Variants in TBC1D9B observed in about 807,000 individuals in gnomAD.
The protein encoded by TBC1D9B is TBC1 domain family, member 9B (with GRAM domain).
In TBC1D9B, 87 loss-of-function variants were observed where a neutral mutation model predicts 121.1. The ratio of observed to expected loss-of-function variants is 0.72; its 90% CI spans 0.60 to 0.86. The LOEUF (loss-of-function observed/expected upper bound fraction) is 0.86. Ranked by LOEUF, TBC1D9B falls within the 40% of genes least tolerant of loss-of-function variation. TBC1D9B has a pLI of 0.00. For missense variants in TBC1D9B, 1,540 were observed against 1,628.6 expected (o/e 0.95, Z 0.94); for synonymous variants, 668 against 670.1 (o/e 1.00, Z 0.05).
chr5:179,863,235 C>T lies in TBC1D9B; in HGVS notation c.*213G>A, dbSNP rs1759898652. ...GTGGGAGCCACAGCCTCTTCCTGGG[C>T]CCAGAAGCAGCCGGCGCCAGGAGAT... On this transcript the variant is annotated 3_prime_UTR_variant, in exon 21 of 21. Coordinates refer to ENST00000355235, the MANE Select transcript of TBC1D9B (RefSeq NM_015043.4). This position sits in a 1 kb window ranked among gnomAD's most constrained non-coding sequence, Gnocchi z 4.5. 1 of 592,208 alleles carries T rather than the reference C, an allele frequency of 1.7e-6. No homozygotes were observed. The highest frequency in any genetic ancestry group is 2.9e-6 in the Non-Finnish European group (1 of 343,916). The allele number at this position is 592,208 out of a possible 1,614,324, so 36.7% of individuals were successfully genotyped here.
rs1413738668 is a variant in TBC1D9B at position 179,885,991 on chromosome 5, C to A, written c.1254+2112G>T. On this transcript the variant is annotated intron_variant, in intron 7 of 20. Coordinates refer to ENST00000355235, the MANE Select transcript of TBC1D9B (RefSeq NM_015043.4). This position sits in a 1 kb window ranked among gnomAD's most constrained non-coding sequence, Gnocchi z 4.5. ...CCAGAAGCCCGTGCCACATCCAATC[C>A]TGTCTCCCAGCTTGCTGTGCTCTCT... Among the ~76,000 whole-genome samples, 1 of 152,228 alleles carries A rather than the reference C, an allele frequency of 6.6e-6. No individual in the cohort carries two copies. Among genetic ancestry groups the A allele is most frequent in the Non-Finnish European group, 1.5e-5 (1 of 68,048 alleles).
intron 4 of TBC1D9B, 68 bp downstream of exon 4, chr5:179,894,318 A>G: frequency 7.1e-7 from 1 of 1,415,172 alleles, no homozygotes; most frequent in African/African-American, 1.4e-5. Context: ...GGGATGGAGT[A>G]TCTGGGGGCC....
chr5:179,876,140 A>G (rs1166153651), intron 10 of TBC1D9B, 103 bp from the exon 11 acceptor site: 3 of 781,662 alleles, frequency 3.8e-6, no homozygotes, highest in East Asian at 3.1e-5. Context: ...AAGGGCCCAC[A>G]TGATCTTCTT....
At chr5:179,882,498 G>A (rs562296211) in intron 7 of TBC1D9B, among the ~76,000 whole-genome samples, 178 of 152,122 alleles carry the variant, frequency 1.2e-3, no homozygotes, top group Non-Finnish European at 2.2e-3. Context: ...ACAGCCTATG[G>A]TCTTTATACC....
Position 179,870,314 on chromosome 5 carries a change from CT to C in TBC1D9B, c.2665del (p.Arg889GlyfsTer10), listed in dbSNP as rs1760151012. On this transcript the variant is annotated frameshift_variant, in exon 16 of 21. Transcript: ENST00000355235. LOFTEE classifies it high-confidence loss of function. ...HTPLLAGRMF[R>X]LLDENKDSLI... is the part of the protein sequence containing the mutation. ...CGAGTCCTTGTTTTCGTCCAGGAGC[CT>C]GAACATGCGCCCTGCCAGCAGAGGT... The C allele has an allele frequency of 6.2e-7, 1 of 1,613,802 alleles. No individual in the cohort carries two copies. The highest frequency in any genetic ancestry group is 1.7e-5 in the Admixed American group (1 of 60,008).
intron 7 of TBC1D9B, chr5:179,880,149 C>T (rs1760498998): frequency 7.1e-6 from 2 of 283,626 alleles, no homozygotes; most frequent in African/African-American, 4.4e-5. Flanking sequence ...ACCCTCGGGC[C>T]CATGCTTCCT....
intron 7 of TBC1D9B, among the ~76,000 whole-genome samples, chr5:179,880,548 C>G (rs1402017461): frequency 6.6e-6 from 1 of 152,208 alleles, no homozygotes; most frequent in Non-Finnish European, 1.5e-5. Context: ...GGGGCAGCTG[C>G]CAGGGTGCTG....
chr5:179,865,662 G>T lies in TBC1D9B; in HGVS notation c.2914+176C>A. ...GAGAGGGCTGGCTGGGTGCCCGTGGGGCTGGTGGAGAGCGTGGAGCCTCCT... is the reference window on the plus strand; with the variant it reads ...GAGAGGGCTGGCTGGGTGCCCGTGGTGCTGGTGGAGAGCGTGGAGCCTCCT... On this transcript the variant is annotated intron_variant, in intron 19 of 20. Coordinates refer to ENST00000355235, the MANE Select transcript of TBC1D9B (RefSeq NM_015043.4). The surrounding 1 kb of genome is among the most constrained non-coding windows in gnomAD (Gnocchi z 5.1). 1 of 723,960 alleles carries T rather than the reference G, an allele frequency of 1.4e-6. No homozygotes were observed. Among genetic ancestry groups the T allele is most frequent in the Non-Finnish European group, 2.3e-6 (1 of 439,518 alleles). The allele number at this position is 723,960 out of a possible 1,614,324, so 44.8% of individuals were successfully genotyped here.
At chr5:179,867,997 T>A (rs535624359) in intron 17 of TBC1D9B, 148 bp from the exon 18 acceptor site, 1 of 572,964 alleles carries the variant, frequency 1.7e-6, no homozygotes, top group Non-Finnish European at 2.8e-6. Context: ...TGCCCGGTAA[T>A]AGTTTTGATG....
rs1381122492 is a variant in TBC1D9B, at chr5:179,887,735, G to T, written c.1254+368C>A. ...AGTGATACTGCAGTTCTACCGTCAA[G>T]AACTTCAGCCTGAACGCCTGGCAGG... On this transcript the variant is annotated intron_variant, in intron 7 of 20. Transcript: ENST00000355235. 3.1e-5 allele frequency: 9 copies of T among 293,014 alleles called. No individual in the cohort carries two copies. In the South Asian group the frequency reaches 3.2e-4, roughly 10 times the overall value. 18.2% of individuals were successfully genotyped at this position (293,014 alleles called of 1,614,324 possible). A position where few individuals can be genotyped will look rare whatever the true frequency, so the allele number is the denominator to read the frequency against.
intron 7 of TBC1D9B, among the ~76,000 whole-genome samples, chr5:179,880,435 G>C (rs1009125913): frequency 1.3e-5 from 2 of 152,132 alleles, no homozygotes; most frequent in Non-Finnish European, 1.5e-5. Flanking sequence ...TGGGCAGGTG[G>C]TCGATTCCCC....
Position 179,878,507 on chromosome 5 carries a change from C to G in TBC1D9B, c.1584G>C (p.Met528Ile), listed in dbSNP as rs1222418949. The G allele has an allele frequency of 6.2e-7, 1 of 1,605,100 alleles. No homozygotes were observed. The highest frequency in any genetic ancestry group is 8.5e-7 in the Non-Finnish European group (1 of 1,175,500). ...CAGCATAGTACCCGGGGTGAGTCAC[C>G]ATCTCATTCCAGGCCCCTGGGGAGA... ...WLLFSGAWNE[M>I]VTHPGYYAEL... Residue 528 changes from methionine to isoleucine, a missense_variant, in exon 10 of 21, where the codon ATG (methionine) becomes ATC (isoleucine). Transcript: ENST00000355235.
intron 7 of TBC1D9B, among the ~76,000 whole-genome samples, chr5:179,887,021 A>G (rs555180687): frequency 6.6e-6 from 1 of 152,318 alleles, no homozygotes; most frequent in East Asian, 1.9e-4. Flanking sequence ...GTAAACCAAA[A>G]AACTCACTGG....
At position 179,891,543 on chromosome 5, in the gene TBC1D9B, A is replaced by C; in HGVS notation, c.880T>G (p.Phe294Val). The part of the protein sequence containing the change: ...RAKNECYRAT[F>V]RLPRDERLDG... ...AGCCGCTCATCCCTGGGCAGCCGGA[A>C]CGTGGCTCGGTAGCACTCATTCTTG... Residue 294 changes from phenylalanine (F) to valine (V), a missense_variant, in exon 6 of 21, where the codon TTC becomes GTC. Coordinates refer to ENST00000355235, the MANE Select transcript of TBC1D9B (RefSeq NM_015043.4). The surrounding 1 kb of genome is among the most constrained non-coding windows in gnomAD (Gnocchi z 4.3). The C allele has an allele frequency of 6.2e-7, 1 of 1,613,998 alleles. No homozygotes were observed. The highest frequency in any genetic ancestry group is 8.5e-7 in the Non-Finnish European group (1 of 1,180,010).
chr5:179,899,175 C>A lies in TBC1D9B; in HGVS notation c.348+14G>T. 1 of 1,564,636 alleles carries A rather than the reference C, an allele frequency of 6.4e-7. No homozygotes were observed. Among genetic ancestry groups the A allele is most frequent in the Non-Finnish European group, 8.7e-7 (1 of 1,150,390 alleles). ...AGGGAAGGGTGAGAACAGAGAGTGGCGGGTAAACCTTACGTGTATCTTGCC... is the reference window on the plus strand; with the variant it reads ...AGGGAAGGGTGAGAACAGAGAGTGGAGGGTAAACCTTACGTGTATCTTGCC... On this transcript the variant is annotated intron_variant, in intron 3 of 20. Coordinates refer to ENST00000355235, the MANE Select transcript of TBC1D9B (RefSeq NM_015043.4).
intron 6 of TBC1D9B, among the ~76,000 whole-genome samples, chr5:179,889,595 C>T (rs1258918941): frequency 1.3e-5 from 2 of 151,384 alleles, no homozygotes; most frequent in African/African-American, 4.8e-5. Context: ...GTGTGTTAGG[C>T]CGGGTGTGGC....
At chr5:179,877,070 CAAAAAAAAAAAA>C (rs58537646) in intron 10 of TBC1D9B, among the ~76,000 whole-genome samples, 10 of 34,130 alleles carry the variant, frequency 2.9e-4, no homozygotes, top group African/African-American at 8.6e-4. Flanking sequence ...GATCCTGTCT[CAAAAAAAAAAAA>C]AAAAAAAAAA....
At chr5:179,898,293 A>G (rs1437837351) in intron 3 of TBC1D9B, among the ~76,000 whole-genome samples, 1 of 151,958 alleles carries the variant, frequency 6.6e-6, no homozygotes, top group Non-Finnish European at 1.5e-5. Context: ...CTGGAACTAC[A>G]GGTGCCCACC....
chr5:179,895,952 C>T (rs1442610645), intron 3 of TBC1D9B, among the ~76,000 whole-genome samples: 1 of 152,212 alleles, frequency 6.6e-6, no homozygotes, highest in Non-Finnish European at 1.5e-5. Context: ...CCCTCCCTCC[C>T]CCTTTCTGCC....
Sources: gnomAD v4.1 joint callset for allele counts (sites outside exome capture counted in the v4.1 genomes callset) on GRCh38, gnomAD v4.1.1 for gene constraint, Gnocchi (gnomAD v3.1) non-coding constraint, MANE v1.5 for transcripts, NCBI Gene and HGNC (gene_info 2026-07-23, HGNC 2026-07-21) for gene names.